FIP1L1: variants seen among roughly 807,000 people sequenced by gnomAD.
FIP1L1 encodes the protein pre-mRNA 3'-end-processing factor FIP1.
Under a neutral mutation model 84.6 loss-of-function variants are expected in FIP1L1, and 21 were observed. That is an observed-to-expected ratio of 0.25 (90% CI 0.18 to 0.36). FIP1L1 has a LOEUF of 0.36. FIP1L1 is among the 10% of genes least tolerant of loss of function. The pLI is 1.00. For missense variants in FIP1L1, 526 were observed against 751.1 expected (o/e 0.70, Z 3.50); for synonymous variants, 263 against 242.3 (o/e 1.09, Z -0.80).
chr4:53,452,778 G>A, intron 15 of FIP1L1, 142 bp from the exon 16 acceptor site: 1 of 621,408 alleles, frequency 1.6e-6, no homozygotes. Flanking sequence ...TCCCGATACT[G>A]TGGGTATTCA....
chr4:53,377,950 C>A, intron 1 of FIP1L1, 27 bp downstream of exon 1: 1 of 1,543,686 alleles, frequency 6.5e-7, no homozygotes, highest in Non-Finnish European at 8.8e-7. Flanking sequence ...CTCTGTCTCT[C>A]GGGTTCTCTC....
rs150082130 is a variant in FIP1L1 at position 53,453,968 on chromosome 4, C to T, written c.1499+835C>T. The stretch of plus-strand genomic sequence containing the variant: ...CAAATTTTTACTTCTGTACCACTTC[C>T]CTCAAAGAATTTTGTTCTAATGTAA... On this transcript the variant is annotated intron_variant, in intron 16 of 17. Transcript: ENST00000337488. Among the ~76,000 whole-genome samples the T allele has an allele frequency of 4.1e-3, 619 of 152,194 alleles. 7 individuals carry two copies. The highest frequency in any genetic ancestry group is 0.024 in the East Asian group (124 of 5,186).
chr4:53,433,120 GTGTT>G (rs975894697), intron 13 of FIP1L1, among the ~76,000 whole-genome samples: 1 of 152,176 alleles, frequency 6.6e-6, no homozygotes, highest in Non-Finnish European at 1.5e-5. Flanking sequence ...GTGATTTTGT[GTGTT>G]TGTTTATTGT....
chr4:53,452,808 C>G lies in FIP1L1; in HGVS notation c.1286-112C>G, dbSNP rs1716886151. The G allele has an allele frequency of 3.9e-6, 3 of 762,300 alleles. No individual in the cohort carries two copies. In the Admixed American group the frequency reaches 7.6e-5, roughly 19 times the overall value. 47.2% of individuals were successfully genotyped at this position (762,300 alleles called of 1,614,324 possible). ...TATTCATTCACCATGTGATATTTCT[C>G]TTTTCTATTTATAAAATGAATTTCT... is the stretch of plus-strand genomic sequence containing the variant. On this transcript the variant is annotated intron_variant, in intron 15 of 17. Coordinates refer to ENST00000337488, the MANE Select transcript of FIP1L1 (RefSeq NM_030917.4).
At chr4:53,404,481 T>C (rs2149553228) in intron 10 of FIP1L1, among the ~76,000 whole-genome samples, 1 of 152,298 alleles carries the variant, frequency 6.6e-6, no homozygotes, top group Middle Eastern at 3.4e-3. Context: ...TACGTGTGCA[T>C]GTGTCTTTAT....
chr4:53,381,750 A>ATTTTTTTTTTTTTTTTT (rs1233462083), intron 3 of FIP1L1, among the ~76,000 whole-genome samples: 26 of 63,056 alleles, frequency 4.1e-4, no homozygotes, highest in Admixed American at 1.2e-3. Context: ...AGGCATTTGC[A>ATTTTTTTTTTTTTTTTT]TTCTTTTTTT....
In FIP1L1 at chr4:53,391,453, T is replaced by C. The variant is rs1744209141; in HGVS notation, c.660T>C (p.Val220=). 2.5e-6 allele frequency: 4 copies of C among 1,613,472 alleles called. No individual in the cohort carries two copies. Among genetic ancestry groups the C allele is most frequent in the Non-Finnish European group, 3.4e-6 (4 of 1,179,454 alleles). The part of the protein sequence containing the change: ...KITAEDCTME[V]TPGAEIQDGR... ...AGGCCGAAGACTGTACTATGGAAGTTACACCAGGTGCAGAGATCCAAGATG... is the reference window on the plus strand; with the variant it reads ...AGGCCGAAGACTGTACTATGGAAGTCACACCAGGTGCAGAGATCCAAGATG... Residue 220 remains valine, a synonymous_variant, in exon 9 of 18, where the codon GTT becomes GTC. Transcript: ENST00000337488.
chr4:53,405,460 C>T (rs566071986), intron 10 of FIP1L1, among the ~76,000 whole-genome samples: 1 of 151,998 alleles, frequency 6.6e-6, no homozygotes, highest in Non-Finnish European at 1.5e-5. Flanking sequence ...CCAGTTTGTT[C>T]TTTTGGCTTA....
In FIP1L1 at chr4:53,428,774, G is replaced by A. The variant is rs149465754; in HGVS notation, c.1174+591G>A. Among the ~76,000 whole-genome samples, 1,202 of 152,232 alleles carry A rather than the reference G, an allele frequency of 7.9e-3. 14 individuals are homozygous for A. The highest frequency in any genetic ancestry group is 0.027 in the African/African-American group (1,136 of 41,536). On this transcript the variant is annotated intron_variant, in intron 13 of 17. Coordinates refer to ENST00000337488, the MANE Select transcript of FIP1L1 (RefSeq NM_030917.4). Reference sequence around the variant, plus strand: ...TAATTCCCAAATTTTATTTTTATTTGAATTTTTCATCGGGTTGCCTTTCTT... The same window carrying A: ...TAATTCCCAAATTTTATTTTTATTTAAATTTTTCATCGGGTTGCCTTTCTT...
At chr4:53,414,149 A>G (rs1363685074) in intron 10 of FIP1L1, among the ~76,000 whole-genome samples, 1 of 152,146 alleles carries the variant, frequency 6.6e-6, no homozygotes, top group African/African-American at 2.4e-5. Context: ...ATAAAATAGT[A>G]TAGGTTTTTA....
Position 53,460,789 on chromosome 4 carries a change from C to T in FIP1L1, c.*1340C>T, listed in dbSNP as rs1171223431. 1.4e-5 allele frequency: 15 copies of T among 1,053,558 alleles called. No homozygotes were observed. The highest frequency in any genetic ancestry group is 1.6e-5 in the Non-Finnish European group (12 of 730,790). The allele number at this position is 1,053,558 out of a possible 1,614,324, so 65.3% of individuals were successfully genotyped here. ...GCTTTCATTAGATGATCATACTTTT[C>T]CTGACATTTTTACAATGTATTCTTT... On this transcript the variant is annotated 3_prime_UTR_variant, in exon 18 of 18. Coordinates refer to ENST00000337488, the MANE Select transcript of FIP1L1 (RefSeq NM_030917.4).
At chr4:53,435,826 CGT>C (rs33916681) in intron 13 of FIP1L1, among the ~76,000 whole-genome samples, 105,413 of 151,822 alleles carry the variant, frequency 0.69, 36,652 homozygotes, top group Middle Eastern at 0.72. Context: ...AGATGATACA[CGT>C]GTGTGTGCGT....
At chr4:53,425,802 C>A in intron 11 of FIP1L1, 70 bp from the exon 12 acceptor site, 3 of 1,099,158 alleles carry the variant, frequency 2.7e-6, no homozygotes, top group South Asian at 3.0e-5. Context: ...GTTTTTATTT[C>A]TCACTGCTTT....
At chr4:53,414,243 C>G (rs1384949715) in intron 10 of FIP1L1, among the ~76,000 whole-genome samples, 1 of 151,814 alleles carries the variant, frequency 6.6e-6, no homozygotes, top group Non-Finnish European at 1.5e-5. Context: ...AAAGAAATAC[C>G]AAAATTTTTA....
At chr4:53,441,753 C>A (rs1375254022) in intron 13 of FIP1L1, among the ~76,000 whole-genome samples, 1 of 151,852 alleles carries the variant, frequency 6.6e-6, no homozygotes, top group Non-Finnish European at 1.5e-5. Context: ...AGGTGATAGA[C>A]AGTATGACAG....
Position 53,419,804 on chromosome 4 carries a change from C to T in FIP1L1, c.923+5082C>T, listed in dbSNP as rs373899312. Among the ~76,000 whole-genome samples the T allele has an allele frequency of 5.9e-5, 9 of 152,204 alleles. No homozygotes were observed. In the East Asian group the frequency reaches 1.5e-3, roughly 26 times the overall value. ...AAATAAATTCTAAGCTGTGAAAGCA[C>T]CTATTTCAGGGCTTGAAAGATAAAT... On this transcript the variant is annotated intron_variant, in intron 11 of 17. Coordinates refer to ENST00000337488, the MANE Select transcript of FIP1L1 (RefSeq NM_030917.4).
In FIP1L1 at chr4:53,459,530, A is replaced by C; in HGVS notation, c.*81A>C. 6.4e-7 allele frequency: 1 copy of C among 1,573,102 alleles called. No homozygotes were observed. The highest frequency in any genetic ancestry group is 8.7e-7 in the Non-Finnish European group (1 of 1,147,408). The stretch of plus-strand genomic sequence containing the variant: ...GTTATTTTTCTGGATAATGTTTAAG[A>C]AATTTACCTTAAATCTTGTTCTGTT... On this transcript the variant is annotated 3_prime_UTR_variant, in exon 18 of 18. Coordinates refer to ENST00000337488, the MANE Select transcript of FIP1L1 (RefSeq NM_030917.4).
At chr4:53,447,648 A>G (rs17082811) in intron 15 of FIP1L1, among the ~76,000 whole-genome samples, 19,781 of 152,116 alleles carry the variant, frequency 0.13, 2,565 homozygotes, top group African/African-American at 0.32. Context: ...AAATAATTCA[A>G]ATTACAAGTT....
At chr4:53,433,752 A>G (rs1004294449) in intron 13 of FIP1L1, among the ~76,000 whole-genome samples, 29 of 152,284 alleles carry the variant, frequency 1.9e-4, no homozygotes, top group African/African-American at 6.7e-4. Flanking sequence ...AAAGTTAGCT[A>G]TAGGGTTTAA....
Sources: gnomAD v4.1 joint callset for allele counts (sites outside exome capture counted in the v4.1 genomes callset) on GRCh38, gnomAD v4.1.1 for gene constraint, MANE v1.5 for transcripts, NCBI Gene and HGNC (gene_info 2026-07-23, HGNC 2026-07-21) for gene names.